Variants in ULK4 observed in about 807,000 individuals in gnomAD.
ULK4 encodes unc-51 like kinase 4.
ULK4 carries 133 observed loss-of-function variants against 160.6 expected under a neutral mutation model. That is an observed-to-expected ratio of 0.83 (90% CI 0.72 to 0.96). ULK4 has a LOEUF of 0.96. ULK4 is among the 40% of genes least tolerant of loss of function. The pLI, the probability that ULK4 is intolerant of heterozygous loss-of-function variation, is 0.00. For synonymous variants in ULK4, 534 were observed against 539.8 expected (o/e 0.99, Z 0.15); for missense variants, 1,580 against 1,499.5 (o/e 1.05, Z -0.89).
At chr3:41,721,364 T>A (rs898420145) in intron 22 of ULK4, among the ~76,000 whole-genome samples, 464 of 35,918 alleles carry the variant, frequency 0.013, no homozygotes, top group Non-Finnish European at 0.018. Flanking sequence ...ATATATATAT[T>A]TTTTTTTTTT....
At chr3:41,591,297 G>T (rs1422926431) in intron 31 of ULK4, among the ~76,000 whole-genome samples, 2 of 152,100 alleles carry the variant, frequency 1.3e-5, no homozygotes, top group Non-Finnish European at 2.9e-5. Flanking sequence ...AAAGTGGAAA[G>T]AATTCTTTAC....
intron 17 of ULK4, among the ~76,000 whole-genome samples, chr3:41,877,696 T>C (rs902227086): frequency 2.0e-5 from 3 of 152,052 alleles, no homozygotes; most frequent in Non-Finnish European, 2.9e-5. Context: ...TAAATCTGAA[T>C]TGGAGCCAGG....
At chr3:41,249,374 TG>T in intron 36 of ULK4, 114 bp downstream of exon 36, 1 of 942,714 alleles carries the variant, frequency 1.1e-6, no homozygotes, top group Non-Finnish European at 1.6e-6. Flanking sequence ...AGTGATGGGC[TG>T]GAAGGTGGTA....
intron 22 of ULK4, among the ~76,000 whole-genome samples, chr3:41,751,278 C>T (rs2038619749): frequency 6.6e-6 from 1 of 152,178 alleles, no homozygotes; most frequent in Non-Finnish European, 1.5e-5. Context: ...CATTTCCGTT[C>T]TGCTCAAGAT....
At chr3:41,850,297 C>T (rs991621040) in intron 17 of ULK4, among the ~76,000 whole-genome samples, 1 of 152,198 alleles carries the variant, frequency 6.6e-6, no homozygotes, top group African/African-American at 2.4e-5. Flanking sequence ...TTTATAGCAG[C>T]ATGACTTACA....
At chr3:41,377,284 T>A (rs1338001092) in intron 35 of ULK4, among the ~76,000 whole-genome samples, 1 of 152,138 alleles carries the variant, frequency 6.6e-6, no homozygotes, top group Non-Finnish European at 1.5e-5. Context: ...GAAGAAAACC[T>A]AGGCATTACC....
chr3:41,482,364 T>C (rs1478015406), intron 32 of ULK4, among the ~76,000 whole-genome samples: 1 of 152,138 alleles, frequency 6.6e-6, no homozygotes, highest in African/African-American at 2.4e-5. Context: ...GCAGTGATGG[T>C]GTCTTATTTC....
intron 35 of ULK4, among the ~76,000 whole-genome samples, chr3:41,292,656 GAA>G (rs1192536984): frequency 6.6e-6 from 1 of 151,858 alleles, no homozygotes; most frequent in South Asian, 2.1e-4. Flanking sequence ...AAAAGAAAAA[GAA>G]AAAAAGACCA....
chr3:41,625,460 T>C (rs1172243298), intron 30 of ULK4, among the ~76,000 whole-genome samples: 2 of 152,170 alleles, frequency 1.3e-5, no homozygotes, highest in Non-Finnish European at 2.9e-5. Context: ...CCCAACGCAC[T>C]CTGAATTGTG....
intron 21 of ULK4, among the ~76,000 whole-genome samples, chr3:41,758,876 TAA>T (rs553645048): frequency 6.0e-5 from 8 of 132,438 alleles, no homozygotes; most frequent in Admixed American, 7.5e-5. Flanking sequence ...CCATCTCAAT[TAA>T]AAAAAAAAAA....
At chr3:41,674,858 C>G (rs1269571790) in intron 29 of ULK4, among the ~76,000 whole-genome samples, 3 of 152,148 alleles carry the variant, frequency 2.0e-5, no homozygotes, top group African/African-American at 7.2e-5. Flanking sequence ...TGTAACCCTA[C>G]AAATGCACCA....
At chr3:41,697,344 G>A (rs1276468237) in intron 27 of ULK4, among the ~76,000 whole-genome samples, 1 of 152,042 alleles carries the variant, frequency 6.6e-6, no homozygotes, top group East Asian at 1.9e-4. Flanking sequence ...CTGATCTTGA[G>A]TAAGCCCAGA....
intron 7 of ULK4, among the ~76,000 whole-genome samples, chr3:41,916,264 C>T (rs945310582): frequency 6.6e-6 from 1 of 152,060 alleles, no homozygotes; most frequent in Non-Finnish European, 1.5e-5. Context: ...ACATTTTTTC[C>T]TAGATCACAA....
At chr3:41,455,202 CA>C (rs1351366339) in intron 34 of ULK4, among the ~76,000 whole-genome samples, 1 of 152,128 alleles carries the variant, frequency 6.6e-6, no homozygotes, top group African/African-American at 2.4e-5. Context: ...ATTCCCATAG[CA>C]ATTTCTTCTT....
At chr3:41,717,939 AAGTG>A in intron 22 of ULK4, 78 bp from the exon 23 acceptor site, 1 of 1,526,902 alleles carries the variant, frequency 6.5e-7, no homozygotes, top group South Asian at 1.2e-5. Flanking sequence ...CCGCCAAGGC[AAGTG>A]TTTCCAGAGG....
intron 32 of ULK4, among the ~76,000 whole-genome samples, chr3:41,553,075 T>TA (rs1300641417): frequency 1.3e-5 from 2 of 152,028 alleles, no homozygotes; most frequent in African/African-American, 4.8e-5. Context: ...ACTCAACTGT[T>TA]ACCTCTCACC....
At chr3:41,563,266 C>T (rs183388437) in intron 32 of ULK4, among the ~76,000 whole-genome samples, 70 of 152,268 alleles carry the variant, frequency 4.6e-4, no homozygotes, top group African/African-American at 1.6e-3. Context: ...GGTAACCCGA[C>T]CTTTCTCTCT....
chr3:41,415,603 T>C (rs768703117), intron 34 of ULK4, among the ~76,000 whole-genome samples: 43 of 152,144 alleles, frequency 2.8e-4, no homozygotes, highest in Non-Finnish European at 6.0e-4. Context: ...TGCCTCCACA[T>C]AAATCACGGC....
chr3:41,741,802 A>T (rs2038247810), intron 22 of ULK4, among the ~76,000 whole-genome samples: 1 of 151,950 alleles, frequency 6.6e-6, no homozygotes. Context: ...GAGTAGGATC[A>T]AAACAAACAC....
Sources: gnomAD v4.1 joint callset for allele counts (sites outside exome capture counted in the v4.1 genomes callset) on GRCh38, gnomAD v4.1.1 for gene constraint, MANE v1.5 for transcripts, NCBI Gene and HGNC (gene_info 2026-07-23, HGNC 2026-07-21) for gene names.